Variants in UNC5C observed in about 807,000 individuals in gnomAD.
The protein encoded by UNC5C is unc-5 netrin receptor C, also known as netrin receptor UNC5C.
UNC5C carries 47 observed loss-of-function variants against 99.8 expected under a neutral mutation model. The ratio of observed to expected loss-of-function variants is 0.47; its 90% confidence interval spans 0.37 to 0.60. The LOEUF (loss-of-function observed/expected upper bound fraction) is 0.60. UNC5C is among the 20% of genes least tolerant of loss of function. UNC5C has a pLI of 0.00. For synonymous variants in UNC5C, 487 were observed against 452.2 expected (o/e 1.08, Z -0.98); for missense variants, 1,062 against 1,165.9 (o/e 0.91, Z 1.30).
intron 1 of UNC5C, among the ~76,000 whole-genome samples, chr4:95,474,639 C>A (rs1214383239): frequency 2.0e-5 from 3 of 151,964 alleles, no homozygotes; most frequent in Non-Finnish European, 4.4e-5. Context: ...AAAACTAATA[C>A]CTTTGGGACC....
intron 1 of UNC5C, among the ~76,000 whole-genome samples, chr4:95,507,288 T>C (rs1721949169): frequency 6.6e-6 from 1 of 152,008 alleles, no homozygotes; most frequent in South Asian, 2.1e-4. Flanking sequence ...AATGAGCTAA[T>C]GAGGCACCAT....
chr4:95,411,382 A>G (rs1329178760), intron 1 of UNC5C, among the ~76,000 whole-genome samples: 1 of 152,180 alleles, frequency 6.6e-6, no homozygotes, highest in African/African-American at 2.4e-5. Flanking sequence ...AGAGAAAGTT[A>G]TCTTCTTTTG....
At chr4:95,250,357 C>G in intron 5 of UNC5C, 130 bp downstream of exon 5, 1 of 984,828 alleles carries the variant, frequency 1.0e-6, no homozygotes, top group Non-Finnish European at 1.5e-6. Context: ...TGCACGCCAG[C>G]CTGGGTGACA....
chr4:95,217,629 G>T (rs1738298018), intron 9 of UNC5C, among the ~76,000 whole-genome samples: 1 of 152,142 alleles, frequency 6.6e-6, no homozygotes, highest in South Asian at 2.1e-4. Context: ...TTTAAAACAT[G>T]CTAGCTCACT....
At chr4:95,390,257 A>C (rs906826672) in intron 1 of UNC5C, among the ~76,000 whole-genome samples, 2 of 152,172 alleles carry the variant, frequency 1.3e-5, no homozygotes, top group African/African-American at 4.8e-5. Context: ...GCTTAGCCTG[A>C]AACTAGCTAG....
intron 2 of UNC5C, among the ~76,000 whole-genome samples, chr4:95,311,502 C>CT (rs1742274994): frequency 6.6e-6 from 1 of 152,106 alleles, no homozygotes; most frequent in Non-Finnish European, 1.5e-5. Context: ...ACATGCATGT[C>CT]TTTGCTTCCT....
At chr4:95,271,450 C>T (rs1157288534) in intron 4 of UNC5C, among the ~76,000 whole-genome samples, 1 of 151,996 alleles carries the variant, frequency 6.6e-6, no homozygotes, top group Admixed American at 6.5e-5. Context: ...AGGATGGTCT[C>T]GATCTCCTGA....
chr4:95,182,082 T>C (rs1736633759), intron 14 of UNC5C, among the ~76,000 whole-genome samples: 1 of 151,840 alleles, frequency 6.6e-6, no homozygotes, highest in Non-Finnish European at 1.5e-5. Context: ...TCCTCTGGTG[T>C]GAAGGGTTAT....
intron 1 of UNC5C, among the ~76,000 whole-genome samples, chr4:95,449,184 A>G (rs1747209446): frequency 6.6e-6 from 1 of 152,234 alleles, no homozygotes; most frequent in Admixed American, 6.5e-5. Flanking sequence ...GACCACTGTT[A>G]CCTGGCCCTT....
In UNC5C at chr4:95,256,867, G is replaced by A. The variant is rs139741874; in HGVS notation, c.595-6200C>T. 9.2e-4 allele frequency among the ~76,000 whole-genome samples: 139 copies of A among 151,816 alleles called. 1 individual carries two copies. Among genetic ancestry groups the A allele is most frequent in the African/African-American group, 3.0e-3 (123 of 41,452 alleles). Reference sequence around the variant, plus strand: ...GGTCAGGAAGGGTCCAGCATGGGACGCTTGCTAAATGTGCTGCTGAGGGAG... The same window carrying A: ...GGTCAGGAAGGGTCCAGCATGGGACACTTGCTAAATGTGCTGCTGAGGGAG... On this transcript the variant is annotated intron_variant, in intron 4 of 15. Transcript: ENST00000453304.
intron 1 of UNC5C, among the ~76,000 whole-genome samples, chr4:95,338,270 A>T (rs1381068387): frequency 6.6e-6 from 1 of 152,100 alleles, no homozygotes; most frequent in Non-Finnish European, 1.5e-5. Context: ...GTCAAGTTTC[A>T]GCATTAATTC....
chr4:95,420,869 C>T (rs1746299424), intron 1 of UNC5C, among the ~76,000 whole-genome samples: 1 of 152,106 alleles, frequency 6.6e-6, no homozygotes, highest in Non-Finnish European at 1.5e-5. Context: ...AGGACAAAAG[C>T]TGCTTTGATC....
At position 95,261,974 on chromosome 4, in the gene UNC5C, T is replaced by A. The variant is rs995532800; in HGVS notation, c.595-11307A>T. Among the ~76,000 whole-genome samples the A allele has an allele frequency of 3.9e-5, 6 of 152,300 alleles. No individual in the cohort carries two copies. The East Asian group carries it at 1.2e-3, about 29-fold the overall frequency. ...GGCCTCAGCCTCCCAAAGTGCTGGA[T>A]TACAGGCATTAGCCACTGCGCCCAG... On this transcript the variant is annotated intron_variant, in intron 4 of 15. Coordinates refer to ENST00000453304, the MANE Select transcript of UNC5C (RefSeq NM_003728.4).
intron 3 of UNC5C, among the ~76,000 whole-genome samples, chr4:95,280,708 A>G (rs1256277061): frequency 6.6e-6 from 1 of 151,920 alleles, no homozygotes; most frequent in African/African-American, 2.4e-5. Context: ...AACAACAACA[A>G]CAAGAAATGA....
intron 14 of UNC5C, among the ~76,000 whole-genome samples, chr4:95,178,781 T>C (rs1023692701): frequency 6.6e-6 from 1 of 152,206 alleles, no homozygotes; most frequent in Non-Finnish European, 1.5e-5. Context: ...TAAAGAACTC[T>C]CCTCAGCATT....
chr4:95,213,734 C>T (rs906603059), intron 10 of UNC5C, among the ~76,000 whole-genome samples: 7 of 152,154 alleles, frequency 4.6e-5, no homozygotes, highest in Admixed American at 2.6e-4. Flanking sequence ...AATTTTCCTA[C>T]GAATGCATAG....
At chr4:95,478,680 A>G (rs1269011520) in intron 1 of UNC5C, among the ~76,000 whole-genome samples, 1 of 152,016 alleles carries the variant, frequency 6.6e-6, no homozygotes, top group East Asian at 1.9e-4. Flanking sequence ...AACTCTGTCA[A>G]TAGTAGATAC....
chr4:95,345,280 C>T lies in UNC5C; in HGVS notation c.125-9649G>A, dbSNP rs192653440. ...AAGAAGGTCATTATAAAATGATAAA[C>T]GGGTCAATTCAGCAAGAGGGCATAA... On this transcript the variant is annotated intron_variant, in intron 1 of 15. Transcript: ENST00000453304. Among the ~76,000 whole-genome samples the T allele has an allele frequency of 6.7e-4, 101 of 151,852 alleles. 2 individuals carry two copies. In the South Asian group the frequency reaches 0.011, roughly 17 times the overall value.
chr4:95,449,508 A>G (rs1389906382), intron 1 of UNC5C, among the ~76,000 whole-genome samples: 1 of 152,228 alleles, frequency 6.6e-6, no homozygotes, highest in African/African-American at 2.4e-5. Context: ...TCTCATGCTC[A>G]TAAAATAACA....
Sources: allele counts gnomAD v4.1 joint callset (sites outside exome capture counted in the v4.1 genomes callset), GRCh38; gene constraint gnomAD v4.1.1; transcripts MANE v1.5; gene names NCBI Gene and HGNC (gene_info 2026-07-23, HGNC 2026-07-21).